The following NALF1 variants were observed in gnomAD, a reference collection of about 807,000 sequenced individuals.
The protein encoded by NALF1 is NALCN channel auxiliary factor 1, also known as family with sequence similarity 155 member A.
A neutral mutation model predicts 48.4 loss-of-function variants in NALF1; 3 were observed. The ratio of observed to expected loss-of-function variants is 0.06; its 90% CI spans 0.03 to 0.16. NALF1 has a LOEUF of 0.16. Ranked by LOEUF, NALF1 falls within the 10% of genes least tolerant of loss-of-function variation. The probability of loss-of-function intolerance (pLI) is 1.00; values close to 1 mark genes in which losing one functional copy is unlikely to be tolerated. For synonymous variants in NALF1, 262 were observed against 245.7 expected (o/e 1.07, Z -0.62); for missense variants, 526 against 571.5 (o/e 0.92, Z 0.81).
chr13:107,281,254 A>G (rs1284278360), intron 1 of NALF1, among the ~76,000 whole-genome samples: 2 of 152,374 alleles, frequency 1.3e-5, no homozygotes, highest in Non-Finnish European at 2.9e-5. Flanking sequence ...ACTCTGGTAC[A>G]TGGTTGACGA....
At chr13:107,377,426 T>C (rs1883357683) in intron 1 of NALF1, among the ~76,000 whole-genome samples, 1 of 152,060 alleles carries the variant, frequency 6.6e-6, no homozygotes, top group Non-Finnish European at 1.5e-5. Context: ...TCATGGAGAA[T>C]CTAAAAGAAT....
At chr13:107,187,441 C>T (rs1339695972) in intron 2 of NALF1, among the ~76,000 whole-genome samples, 2 of 152,140 alleles carry the variant, frequency 1.3e-5, no homozygotes, top group Non-Finnish European at 1.5e-5. Context: ...GTCTCTCCAA[C>T]AGGCAGAATT....
At chr13:107,390,851 A>C (rs1382219116) in intron 1 of NALF1, among the ~76,000 whole-genome samples, 1 of 150,536 alleles carries the variant, frequency 6.6e-6, no homozygotes, top group Non-Finnish European at 1.5e-5. Flanking sequence ...CTACACGACC[A>C]AAAGTCAAGA....
At chr13:107,425,623 G>A (rs979520180) in intron 1 of NALF1, among the ~76,000 whole-genome samples, 3 of 151,910 alleles carry the variant, frequency 2.0e-5, no homozygotes, top group Non-Finnish European at 4.4e-5. Flanking sequence ...TGTATATTAC[G>A]ATGATATTGA....
In NALF1 at chr13:107,836,539, G is replaced by T. The variant is rs183064853; in HGVS notation, c.915+29143C>A. Among the ~76,000 whole-genome samples, 287 of 151,856 alleles carry T rather than the reference G, an allele frequency of 1.9e-3. 1 individual carries two copies. The highest frequency in any genetic ancestry group is 6.8e-3 in the African/African-American group (281 of 41,406). ...GGATTAGCCCTTCTGCTCATGAGAT[G>T]GGATTTTTTTAATTTTATAAAAAAA... On this transcript the variant is annotated intron_variant, in intron 1 of 2. Coordinates refer to ENST00000375915, the MANE Select transcript of NALF1 (RefSeq NM_001080396.3).
chr13:107,371,549 C>T (rs1369085245), intron 1 of NALF1, among the ~76,000 whole-genome samples: 1 of 152,144 alleles, frequency 6.6e-6, no homozygotes, highest in Non-Finnish European at 1.5e-5. Flanking sequence ...TTAGACTAAA[C>T]TTTTTCTTAA....
chr13:107,680,211 G>A (rs4083987), intron 1 of NALF1, among the ~76,000 whole-genome samples: 71,508 of 151,968 alleles, frequency 0.47, 18,511 homozygotes, highest in Admixed American at 0.6. Context: ...CTCTTCCCAC[G>A]ATTTGCCATT....
intron 1 of NALF1, among the ~76,000 whole-genome samples, chr13:107,386,974 G>A (rs1469168585): frequency 6.6e-6 from 1 of 152,036 alleles, no homozygotes; most frequent in South Asian, 2.1e-4. Context: ...TTCTGAGTCT[G>A]GAAAGATTGC....
intron 1 of NALF1, among the ~76,000 whole-genome samples, chr13:107,612,956 G>A (rs2138434087): frequency 6.6e-6 from 1 of 150,996 alleles, no homozygotes; most frequent in Non-Finnish European, 1.5e-5. Context: ...CTGAAGAACA[G>A]AGAGGGCAAA....
rs187818423 is a variant in NALF1, at chr13:107,700,007, C to T, written c.915+165675G>A. Reference sequence around the variant, plus strand: ...AAAATATTGCTGAAAACATTAAAGACGCAAAGAAATAGGAAGCTATCCCAT... The same window carrying T: ...AAAATATTGCTGAAAACATTAAAGATGCAAAGAAATAGGAAGCTATCCCAT... On this transcript the variant is annotated intron_variant, in intron 1 of 2. Transcript: ENST00000375915. 4.0e-3 allele frequency among the ~76,000 whole-genome samples: 605 copies of T among 151,886 alleles called. 3 individuals carry two copies. Among genetic ancestry groups the T allele is most frequent in the African/African-American group, 0.013 (550 of 41,452 alleles).
chr13:107,200,499 C>A (rs1879489502), intron 2 of NALF1, among the ~76,000 whole-genome samples: 1 of 152,096 alleles, frequency 6.6e-6, no homozygotes, highest in Non-Finnish European at 1.5e-5. Flanking sequence ...ATCTCCCACA[C>A]GATGAATGCA....
intron 1 of NALF1, among the ~76,000 whole-genome samples, chr13:107,325,547 A>G (rs889670128): frequency 6.6e-6 from 1 of 152,020 alleles, no homozygotes; most frequent in Non-Finnish European, 1.5e-5. Context: ...CTTTTTAAGA[A>G]TATAATCTGG....
At chr13:107,606,801 T>C (rs1485155786) in intron 1 of NALF1, among the ~76,000 whole-genome samples, 4 of 152,224 alleles carry the variant, frequency 2.6e-5, no homozygotes, top group Non-Finnish European at 1.5e-5. Flanking sequence ...CCATATTTTC[T>C]GTGCTATGAT....
At chr13:107,649,801 G>A (rs543810545) in intron 1 of NALF1, among the ~76,000 whole-genome samples, 2 of 152,198 alleles carry the variant, frequency 1.3e-5, no homozygotes, top group South Asian at 4.1e-4. Flanking sequence ...CTGTCTTTTA[G>A]GAAACTATAT....
intron 1 of NALF1, among the ~76,000 whole-genome samples, chr13:107,595,807 A>T (rs1421591328): frequency 6.6e-6 from 1 of 152,160 alleles, no homozygotes; most frequent in Admixed American, 6.6e-5. Context: ...ATTTTAACAG[A>T]AAGAGTTCAA....
chr13:107,795,310 G>A (rs904341996), intron 1 of NALF1, among the ~76,000 whole-genome samples: 1 of 152,000 alleles, frequency 6.6e-6, no homozygotes, highest in African/African-American at 2.4e-5. Context: ...GAAAGAGGGG[G>A]GAAAGCCACT....
At chr13:107,265,702 G>A (rs1416741465) in intron 1 of NALF1, among the ~76,000 whole-genome samples, 1 of 151,810 alleles carries the variant, frequency 6.6e-6, no homozygotes, top group Non-Finnish European at 1.5e-5. Context: ...CACCATGCCT[G>A]GCCTACTTTT....
rs552239877 is a variant in NALF1 at position 107,830,471 on chromosome 13, C to T, written c.915+35211G>A. Among the ~76,000 whole-genome samples the T allele has an allele frequency of 3.9e-5, 6 of 152,276 alleles. No homozygotes were observed. The East Asian group carries it at 1.2e-3, about 29-fold the overall frequency. ...TTGCTATTTTTTGATTCTGGGACAG[C>T]GAACCTAATGGCTGGAAAATGGTAA... On this transcript the variant is annotated intron_variant, in intron 1 of 2. Coordinates refer to ENST00000375915, the MANE Select transcript of NALF1 (RefSeq NM_001080396.3).
intron 2 of NALF1, among the ~76,000 whole-genome samples, chr13:107,194,056 C>CTATCTATCTATA (rs1555325891): frequency 7.2e-5 from 6 of 83,456 alleles, no homozygotes; most frequent in Non-Finnish European, 1.2e-4. Context: ...ATCTATCTAT[C>CTATCTATCTATA]TATATATCAA....
Sources: gnomAD v4.1 joint callset for allele counts (sites outside exome capture counted in the v4.1 genomes callset) on GRCh38, gnomAD v4.1.1 for gene constraint, MANE v1.5 for transcripts, NCBI Gene and HGNC (gene_info 2026-07-23, HGNC 2026-07-21) for gene names.